The following NUBPL variants were observed in gnomAD, a reference collection of about 807,000 sequenced individuals.
The protein encoded by NUBPL is NUBP iron-sulfur cluster assembly factor, mitochondrial, also known as iron-sulfur cluster transfer protein NUBPL.
A neutral mutation model predicts 45.7 loss-of-function variants in NUBPL; 31 were observed. That is an observed-to-expected ratio of 0.68 (90% CI 0.51 to 0.92). NUBPL has a LOEUF of 0.92. Ranked by LOEUF, NUBPL falls within the 40% of genes least tolerant of loss-of-function variation. The pLI is 0.00. For missense variants in NUBPL, 401 were observed against 398.7 expected (o/e 1.01, Z -0.05); for synonymous variants, 144 against 140.9 (o/e 1.02, Z -0.15).
At chr14:31,854,665 A>G (rs569947470) in intron 10 of NUBPL, among the ~76,000 whole-genome samples, 71 of 152,324 alleles carry the variant, frequency 4.7e-4, no homozygotes, top group South Asian at 1.4e-3. Context: ...AACTGAGCCT[A>G]GAAGGGTTGA....
intron 6 of NUBPL, among the ~76,000 whole-genome samples, chr14:31,774,915 C>G (rs1171800046): frequency 6.6e-6 from 1 of 152,138 alleles, no homozygotes. Flanking sequence ...CATCTTGAGG[C>G]TATGTAGGTG....
intron 6 of NUBPL, among the ~76,000 whole-genome samples, chr14:31,729,275 T>G (rs1264845329): frequency 7.2e-5 from 4 of 55,598 alleles, no homozygotes; most frequent in South Asian, 1.4e-3. Context: ...AGATGCTCCA[T>G]CCCCCCCCCC....
At chr14:31,831,772 A>T (rs2040197393) in intron 8 of NUBPL, among the ~76,000 whole-genome samples, 1 of 152,198 alleles carries the variant, frequency 6.6e-6, no homozygotes. Context: ...CCTAAACAGT[A>T]GGCTAAGGAA....
intron 6 of NUBPL, among the ~76,000 whole-genome samples, chr14:31,714,152 G>A (rs574678648): frequency 6.6e-6 from 1 of 152,310 alleles, no homozygotes; most frequent in African/African-American, 2.4e-5. Flanking sequence ...TGTGGAGATA[G>A]CCTCTATGTA....
intron 6 of NUBPL, among the ~76,000 whole-genome samples, chr14:31,742,237 T>TACACACAC (rs3035713): frequency 0.03 from 4,214 of 141,392 alleles, 95 homozygotes; most frequent in African/African-American, 0.058. Flanking sequence ...AACTATTGTG[T>TACACACAC]ACACACACAC....
At chr14:31,769,009 G>A (rs192990393) in intron 6 of NUBPL, among the ~76,000 whole-genome samples, 2 of 152,256 alleles carry the variant, frequency 1.3e-5, no homozygotes, top group East Asian at 1.9e-4. Context: ...AAGATCAGCC[G>A]CAGTTACAAG....
chr14:31,688,536 C>T (rs368804412), intron 6 of NUBPL, among the ~76,000 whole-genome samples: 1 of 146,610 alleles, frequency 6.8e-6, no homozygotes, highest in East Asian at 2.0e-4. Context: ...GCTGAGATTG[C>T]GCCATTGCAC....
In NUBPL at chr14:31,859,039, C is replaced by T. The variant is rs150872195; in HGVS notation, c.898-79C>T. On this transcript the variant is annotated intron_variant, in intron 10 of 10. Coordinates refer to ENST00000281081, the MANE Select transcript of NUBPL (RefSeq NM_025152.3). ...CCTTTTTACTATCAAATACAGTGGG[C>T]CTCTATAACAAACAGTTGATGAGTC... 8.0e-5 allele frequency: 96 copies of T among 1,194,642 alleles called. No individual in the cohort carries two copies. In the African/African-American group the frequency reaches 1.1e-3, roughly 14 times the overall value. The allele number at this position is 1,194,642 out of a possible 1,614,324, so 74.0% of individuals were successfully genotyped here. A position where few individuals can be genotyped will look rare whatever the true frequency, so the allele number is the denominator to read the frequency against.
intron 6 of NUBPL, among the ~76,000 whole-genome samples, chr14:31,713,382 T>C (rs1375427579): frequency 6.7e-6 from 1 of 148,256 alleles, no homozygotes; most frequent in Non-Finnish European, 1.5e-5. Flanking sequence ...TCTGTACCTT[T>C]CATTTTTTTC....
At chr14:31,766,854 T>G (rs1315102008) in intron 6 of NUBPL, among the ~76,000 whole-genome samples, 3 of 152,154 alleles carry the variant, frequency 2.0e-5, no homozygotes, top group Admixed American at 1.3e-4. Context: ...CTTTGTTCCT[T>G]ATGGAGTCTG....
intron 7 of NUBPL, among the ~76,000 whole-genome samples, chr14:31,816,597 C>T (rs992368663): frequency 3.3e-5 from 5 of 151,918 alleles, no homozygotes; most frequent in African/African-American, 1.2e-4. Context: ...CCTCTTGCTT[C>T]TCTAATTCTT....
chr14:31,825,050 T>A (rs2138961043), intron 7 of NUBPL, among the ~76,000 whole-genome samples: 1 of 152,318 alleles, frequency 6.6e-6, no homozygotes, highest in South Asian at 2.1e-4. Flanking sequence ...TAGTACTACC[T>A]GGTTTCTGTA....
chr14:31,811,203 T>C (rs564573766), intron 7 of NUBPL, among the ~76,000 whole-genome samples: 2 of 152,368 alleles, frequency 1.3e-5, no homozygotes, highest in Non-Finnish European at 2.9e-5. Flanking sequence ...GATAATATCC[T>C]GAAGAGTGTT....
At chr14:31,846,704 C>T in intron 9 of NUBPL, 113 bp downstream of exon 9, 3 of 1,512,382 alleles carry the variant, frequency 2.0e-6, no homozygotes, top group Non-Finnish European at 1.8e-6. Flanking sequence ...CACCTGTAAT[C>T]CCAGCACTTT....
chr14:31,830,912 C>A (rs1369424190), intron 8 of NUBPL, among the ~76,000 whole-genome samples: 3 of 152,166 alleles, frequency 2.0e-5, no homozygotes, highest in Non-Finnish European at 4.4e-5. Flanking sequence ...TCCTCAGGAC[C>A]CTTACCATGC....
chr14:31,719,781 A>T (rs2037768906), intron 6 of NUBPL, among the ~76,000 whole-genome samples: 1 of 152,194 alleles, frequency 6.6e-6, no homozygotes, highest in Non-Finnish European at 1.5e-5. Flanking sequence ...GCCACTATTA[A>T]TTTTTTGGCA....
intron 6 of NUBPL, among the ~76,000 whole-genome samples, chr14:31,677,812 C>A (rs571369893): frequency 2.0e-5 from 3 of 152,308 alleles, no homozygotes; most frequent in African/African-American, 7.2e-5. Context: ...CGGCTACTGA[C>A]TATGTTTGCT....
chr14:31,820,784 A>G (rs1002059020), intron 7 of NUBPL, among the ~76,000 whole-genome samples: 7 of 99,442 alleles, frequency 7.0e-5, no homozygotes, highest in African/African-American at 4.0e-4. Context: ...AGATCGTGCC[A>G]TTGGCACTCC....
intron 6 of NUBPL, among the ~76,000 whole-genome samples, chr14:31,761,390 A>T (rs1385596235): frequency 6.6e-6 from 1 of 152,144 alleles, no homozygotes; most frequent in Non-Finnish European, 1.5e-5. Context: ...CAATTTTTTA[A>T]TTACAAAGAA....
Sources: allele counts gnomAD v4.1 joint callset (sites outside exome capture counted in the v4.1 genomes callset), GRCh38; gene constraint gnomAD v4.1.1; transcripts MANE v1.5; gene names NCBI Gene and HGNC (gene_info 2026-07-23, HGNC 2026-07-21).